NLRP13: variants seen among roughly 807,000 people sequenced by gnomAD.
NLRP13 encodes NACHT, LRR and PYD domains-containing protein 13.
In NLRP13, 82 loss-of-function variants were observed where a neutral mutation model predicts 94.4. That is an observed-to-expected ratio of 0.87 (90% CI 0.73 to 1.04). The LOEUF (loss-of-function observed/expected upper bound fraction) is 1.04, where lower values mean the gene tolerates loss of function less well. NLRP13 is among the 50% of genes least tolerant of loss of function. The probability of loss-of-function intolerance (pLI) is 0.00; values close to 1 mark genes in which losing one functional copy is unlikely to be tolerated. For missense variants in NLRP13, 1,426 were observed against 1,230.8 expected, an observed-to-expected ratio of 1.16 and a Z score of -2.37; for synonymous variants, 553 against 464.7, an observed-to-expected ratio of 1.19 and a Z score of -2.45.
intron 6 of NLRP13, 147 bp downstream of exon 6, chr19:55,910,416 C>CA (rs781249829): frequency 8.8e-6 from 6 of 678,014 alleles, no homozygotes; most frequent in Non-Finnish European, 1.4e-5. Context: ...GCCCAAGTAG[C>CA]AGTTTCATAA....
chr19:55,926,489 G>A (rs2123146231), intron 1 of NLRP13, among the ~76,000 whole-genome samples: 1 of 152,282 alleles, frequency 6.6e-6, no homozygotes, highest in South Asian at 2.1e-4. Context: ...GCACTTATCT[G>A]AGTATGTTTT....
At chr19:55,924,731 C>A (rs1201283476) in intron 2 of NLRP13, 73 bp from the exon 3 acceptor site, 1 of 1,315,594 alleles carries the variant, frequency 7.6e-7, no homozygotes, top group Non-Finnish European at 1.1e-6. Context: ...TGGAAGCCCC[C>A]AGTAGAACCA....
intron 6 of NLRP13, among the ~76,000 whole-genome samples, chr19:55,908,918 TA>T (rs773601233): frequency 6.6e-6 from 1 of 152,164 alleles, no homozygotes. Flanking sequence ...AAATGTATTT[TA>T]AAAAAATAAA....
chr19:55,909,369 T>C (rs1177238749), intron 6 of NLRP13, among the ~76,000 whole-genome samples: 1 of 152,136 alleles, frequency 6.6e-6, no homozygotes, highest in African/African-American at 2.4e-5. Context: ...CTCACCTTTA[T>C]TTTAAGAGGT....
chr19:55,923,707 T>C (rs1389036214), intron 4 of NLRP13, among the ~76,000 whole-genome samples: 3 of 152,214 alleles, frequency 2.0e-5, no homozygotes, highest in African/African-American at 7.2e-5. Flanking sequence ...AGTGCATTTT[T>C]TCATTCGTTG....
chr19:55,904,431 C>T (rs1227610171), intron 8 of NLRP13, among the ~76,000 whole-genome samples: 1 of 152,170 alleles, frequency 6.6e-6, no homozygotes, highest in African/African-American at 2.4e-5. Flanking sequence ...CCGCATACGG[C>T]TGCCTCCCCC....
At chr19:55,909,888 C>T (rs1433579776) in intron 6 of NLRP13, among the ~76,000 whole-genome samples, 2 of 152,198 alleles carry the variant, frequency 1.3e-5, no homozygotes, top group Non-Finnish European at 2.9e-5. Flanking sequence ...CTTCCCTACA[C>T]TGAGTCAAGT....
intron 7 of NLRP13, among the ~76,000 whole-genome samples, chr19:55,905,783 A>G (rs1986328876): frequency 2.6e-5 from 4 of 152,054 alleles, no homozygotes; most frequent in Admixed American, 2.6e-4. Flanking sequence ...ACCTTTACCC[A>G]CTAGGTGTTA....
At position 55,910,567 on chromosome 19, in the gene NLRP13, G is replaced by T; in HGVS notation, c.2278C>A (p.Leu760Met). 3 of 1,602,146 alleles carry T rather than the reference G, an allele frequency of 1.9e-6. No individual in the cohort carries two copies. Among genetic ancestry groups the T allele is most frequent in the Non-Finnish European group, 2.6e-6 (3 of 1,171,504 alleles). Residue 760 changes from leucine (L) to methionine (M), a missense_variant, in exon 6 of 11, where the codon CTG becomes ATG. Leu to Met is a conservative substitution (Grantham distance 15). Transcript: ENST00000342929. ...CTGCTGGCGTCTCACACTTACGTCA[G>T]TTTCTGGACTTTGCATCTTGGATTT... ...LKNPRCKVQK[L>M]TCKSVTPEWV...
intron 1 of NLRP13, among the ~76,000 whole-genome samples, chr19:55,926,560 C>A (rs1162862825): frequency 6.6e-6 from 1 of 152,040 alleles, no homozygotes; most frequent in African/African-American, 2.4e-5. Context: ...AACATTACTC[C>A]CCCCAGGCTC....
In NLRP13 at chr19:55,898,200, G is replaced by GTTTTTTTTTTTTTTTTTTTTTTT. The variant is rs149121317; in HGVS notation, c.2957+569_2957+570insAAAAAAAAAAAAAAAAAAAAAAA. Among the ~76,000 whole-genome samples, 3 of 135,574 alleles carry GTTTTTTTTTTTTTTTTTTTTTTT rather than the reference G, an allele frequency of 2.2e-5. 1 individual carries two copies. 88.9% of individuals were successfully genotyped at this position (135,574 alleles called of 152,430 possible). A position where few individuals can be genotyped will look rare whatever the true frequency, so the allele number is the denominator to read the frequency against. On this transcript the variant is annotated intron_variant, in intron 10 of 10. Coordinates refer to ENST00000342929, the MANE Select transcript of NLRP13 (RefSeq NM_176810.2). ...CTTATCATCTAGCAGGAGAGTTTTT[G>GTTTTTTTTTTTTTTTTTTTTTTT]TTTTTGTTTTTGTTTTTTTTTTTTT...
At chr19:55,900,315 T>C (rs1204177908) in intron 9 of NLRP13, among the ~76,000 whole-genome samples, 1 of 152,200 alleles carries the variant, frequency 6.6e-6, no homozygotes, top group Non-Finnish European at 1.5e-5. Context: ...GTTGTCAGCA[T>C]TTGAAAACAT....
intron 4 of NLRP13, among the ~76,000 whole-genome samples, chr19:55,916,356 G>C (rs1050597122): frequency 4.6e-5 from 7 of 152,058 alleles, no homozygotes; most frequent in African/African-American, 1.7e-4. Flanking sequence ...TAACTCTCTA[G>C]CAATGGATCC....
At position 55,912,733 on chromosome 19, in the gene NLRP13, T is replaced by C; in HGVS notation, c.1084A>G (p.Thr362Ala). 1 of 1,614,196 alleles carries C rather than the reference T, an allele frequency of 6.2e-7. No individual in the cohort carries two copies. Among genetic ancestry groups the C allele is most frequent in the Non-Finnish European group, 8.5e-7 (1 of 1,180,040 alleles). The change falls in exon 5 of 11, where the codon ACG (threonine) becomes GCG (alanine). Residue 362 changes from threonine to alanine, a missense_variant. Thr to Ala is a moderately conservative substitution (Grantham distance 58). Coordinates refer to ENST00000342929, the MANE Select transcript of NLRP13 (RefSeq NM_176810.2). ...ELVPLATLLI[T>A]IKTWFVRDLK... ...TCTCTCACAAACCAGGTCTTGATCGTGATCAGTAAGGTAGCCAGGGGAACC... is the reference window on the plus strand; with the variant it reads ...TCTCTCACAAACCAGGTCTTGATCGCGATCAGTAAGGTAGCCAGGGGAACC...
At chr19:55,906,337 C>CATAAAAAAAA (rs1986347055) in intron 7 of NLRP13, among the ~76,000 whole-genome samples, 1 of 60,982 alleles carries the variant, frequency 1.6e-5, no homozygotes, top group Non-Finnish European at 2.8e-5. Flanking sequence ...GACTCCATCT[C>CATAAAAAAAA]AAAAAAAAAA....
rs530402021 is a variant in NLRP13, at chr19:55,916,482, A to T, written c.524-3189T>A. 1.2e-4 allele frequency among the ~76,000 whole-genome samples: 19 copies of T among 152,334 alleles called. No individual in the cohort carries two copies. In the East Asian group the frequency reaches 1.9e-3, roughly 15 times the overall value. On this transcript the variant is annotated intron_variant, in intron 4 of 10. Coordinates refer to ENST00000342929, the MANE Select transcript of NLRP13 (RefSeq NM_176810.2). ...CCTGTACAAAGAAATCAGAAAATAA[A>T]TTCAGGATATGAATGAGAAATTTAT...
Position 55,902,028 on chromosome 19 carries a change from A to C in NLRP13, c.2789+7T>G. Reference sequence around the variant, plus strand: ...CTGCCAACTCAGAGGGAGCCAAGAAAACTTACTTCAGGCTCTGCAGGTTAC... The same window carrying C: ...CTGCCAACTCAGAGGGAGCCAAGAACACTTACTTCAGGCTCTGCAGGTTAC... On this transcript the variant is annotated splice_region_variant and intron_variant, in intron 9 of 10. Transcript: ENST00000342929. 6.2e-7 allele frequency: 1 copy of C among 1,613,596 alleles called. No homozygotes were observed. The highest frequency in any genetic ancestry group is 8.5e-7 in the Non-Finnish European group (1 of 1,179,684).
chr19:55,921,668 G>A (rs1210531033), intron 4 of NLRP13, among the ~76,000 whole-genome samples: 2 of 152,142 alleles, frequency 1.3e-5, no homozygotes, highest in Non-Finnish European at 2.9e-5. Flanking sequence ...CTGGAGAAGA[G>A]GAACTTATCC....
Position 55,932,228 on chromosome 19 carries a change from C to T in NLRP13, c.84G>A (p.Gln28=). The part of the protein sequence containing the change: ...LPYLMALDQY[Q]LEEFKLCLEP... ...CCAAGCAAAGCTTGAATTCCTCCAG[C>T]TGATACTGATCCAGGGCCATCAGGT... Residue 28 remains glutamine (Q), a synonymous_variant, in exon 1 of 11, where the codon CAG becomes CAA. Transcript: ENST00000342929. 1 of 1,613,784 alleles carries T rather than the reference C, an allele frequency of 6.2e-7. No individual in the cohort carries two copies. The highest frequency in any genetic ancestry group is 8.5e-7 in the Non-Finnish European group (1 of 1,179,884).
Sources: gnomAD v4.1 joint callset for allele counts (sites outside exome capture counted in the v4.1 genomes callset) on GRCh38, gnomAD v4.1.1 for gene constraint, MANE v1.5 for transcripts, NCBI Gene and HGNC (gene_info 2026-07-23, HGNC 2026-07-21) for gene names.